LIN28B: variants seen among roughly 807,000 people sequenced by gnomAD.
LIN28B encodes protein lin-28 homolog B.
A neutral mutation model predicts 21.9 loss-of-function variants in LIN28B; 5 were observed. That is an observed-to-expected ratio of 0.23 (90% CI 0.12 to 0.48). LIN28B has a LOEUF of 0.48. LIN28B is among the 20% of genes least tolerant of loss of function. The pLI is 0.98. For missense variants in LIN28B, 245 were observed against 310.5 expected (o/e 0.79, Z 1.58); for synonymous variants, 109 against 111.3 (o/e 0.98, Z 0.13).
intron 3 of LIN28B, among the ~76,000 whole-genome samples, chr6:105,033,171 A>G (rs190817323): frequency 2.0e-5 from 3 of 152,304 alleles, no homozygotes; most frequent in African/African-American, 4.8e-5. Context: ...GAATTGTTCA[A>G]ACATCGTTTA....
At chr6:104,984,810 G>A (rs1373055764) in intron 2 of LIN28B, among the ~76,000 whole-genome samples, 1 of 152,188 alleles carries the variant, frequency 6.6e-6, no homozygotes, top group African/African-American at 2.4e-5. Context: ...CATTGAGAAT[G>A]TTATGAGTGA....
At chr6:105,020,230 C>T (rs1771110079) in intron 2 of LIN28B, among the ~76,000 whole-genome samples, 1 of 150,640 alleles carries the variant, frequency 6.6e-6, no homozygotes, top group Non-Finnish European at 1.5e-5. Flanking sequence ...TCCACCTTAG[C>T]CTTCCAAAAT....
chr6:105,058,586 T>C (rs1048503028), intron 3 of LIN28B, among the ~76,000 whole-genome samples: 3 of 152,216 alleles, frequency 2.0e-5, no homozygotes, highest in African/African-American at 7.2e-5. Context: ...CACTTTGTTT[T>C]TGGCTTCTAA....
At chr6:105,031,777 C>T (rs149703655) in intron 3 of LIN28B, among the ~76,000 whole-genome samples, 2,640 of 152,126 alleles carry the variant, frequency 0.017, 78 homozygotes, top group African/African-American at 0.061. Flanking sequence ...CCTCGTGATC[C>T]GCCCGCCTTG....
rs371978787 is a variant in LIN28B, at chr6:104,958,298, T to C, written c.198+12T>C. The C allele has an allele frequency of 6.5e-7, 1 of 1,537,208 alleles. No homozygotes were observed. The highest frequency in any genetic ancestry group is 1.4e-5 in the African/African-American group (1 of 73,836). On this transcript the variant is annotated intron_variant, in intron 2 of 3. Coordinates refer to ENST00000345080, the MANE Select transcript of LIN28B (RefSeq NM_001004317.4). ...TATTTGTACACCAAGTAAGCCAAAC[T>C]TTTTTGTCCCCCTCTTCATCTTTTT...
intron 2 of LIN28B, among the ~76,000 whole-genome samples, chr6:104,960,300 A>G (rs1769704506): frequency 6.6e-6 from 1 of 152,182 alleles, no homozygotes; most frequent in Admixed American, 6.5e-5. Context: ...CTAAGCAACT[A>G]CAAGTAACAG....
rs71572246 is a variant in LIN28B, at chr6:105,081,612, C to G, written c.*2829C>G. ...CATCTCGTTTTAGTTAGCAAAGTCT[C>G]CAAACATTTCCTTAAAATAATCATG... On this transcript the variant is annotated 3_prime_UTR_variant, in exon 4 of 4. Coordinates refer to ENST00000345080, the MANE Select transcript of LIN28B (RefSeq NM_001004317.4). 0.041 allele frequency: 6,284 copies of G among 152,310 alleles called. 186 individuals carry two copies. The highest frequency in any genetic ancestry group is 0.068 in the Middle Eastern group (20 of 294). The allele number at this position is 152,310 out of a possible 1,614,324, so 9.4% of individuals were successfully genotyped here.
At chr6:105,034,264 G>A (rs1179065480) in intron 3 of LIN28B, among the ~76,000 whole-genome samples, 1 of 151,760 alleles carries the variant, frequency 6.6e-6, no homozygotes, top group Non-Finnish European at 1.5e-5. Flanking sequence ...ATTCCAAGAA[G>A]TGTCATTCAT....
intron 3 of LIN28B, among the ~76,000 whole-genome samples, chr6:105,033,266 A>G (rs950258320): frequency 1.3e-5 from 2 of 152,128 alleles, no homozygotes; most frequent in African/African-American, 2.4e-5. Context: ...TGAAATTTCA[A>G]AGTTTTGATT....
At chr6:104,991,608 G>T (rs1770481477) in intron 2 of LIN28B, among the ~76,000 whole-genome samples, 1 of 152,090 alleles carries the variant, frequency 6.6e-6, no homozygotes, top group South Asian at 2.1e-4. Flanking sequence ...TCCCAGATGG[G>T]GTGGTGGCCG....
chr6:104,945,518 A>C (rs1438353442), intron 2 of LIN28B, among the ~76,000 whole-genome samples: 1 of 152,120 alleles, frequency 6.6e-6, no homozygotes, highest in Non-Finnish European at 1.5e-5. Context: ...TGTTTACTGT[A>C]TCAAAAAGCC....
chr6:105,051,257 G>A (rs1771895815), intron 3 of LIN28B, among the ~76,000 whole-genome samples: 1 of 151,300 alleles, frequency 6.6e-6, no homozygotes, highest in Non-Finnish European at 1.5e-5. Context: ...TGGCCAACAT[G>A]GTGAAACCCT....
At chr6:105,015,764 G>C (rs1219808960) in intron 2 of LIN28B, among the ~76,000 whole-genome samples, 1 of 152,128 alleles carries the variant, frequency 6.6e-6, no homozygotes, top group Non-Finnish European at 1.5e-5. Context: ...ATTAGTTCTT[G>C]TAGAGGCAAT....
At chr6:105,007,006 A>G (rs560996221) in intron 2 of LIN28B, among the ~76,000 whole-genome samples, 1 of 152,326 alleles carries the variant, frequency 6.6e-6, no homozygotes, top group Non-Finnish European at 1.5e-5. Context: ...TACATGTTCT[A>G]TAATTCATAT....
At chr6:105,070,413 T>C (rs1003851885) in intron 3 of LIN28B, among the ~76,000 whole-genome samples, 6 of 152,118 alleles carry the variant, frequency 3.9e-5, no homozygotes, top group Non-Finnish European at 8.8e-5. Context: ...TTCTTTCTTG[T>C]TATTTAAAAA....
intron 2 of LIN28B, among the ~76,000 whole-genome samples, chr6:104,943,882 A>G (rs999769229): frequency 6.6e-6 from 1 of 152,166 alleles, no homozygotes; most frequent in Admixed American, 6.5e-5. Context: ...AAGTCTTCGA[A>G]TATATGAAAT....
intron 2 of LIN28B, among the ~76,000 whole-genome samples, chr6:104,962,585 C>T (rs899568836): frequency 2.0e-5 from 3 of 152,058 alleles, no homozygotes; most frequent in Admixed American, 6.5e-5. Context: ...TTAGAGATGA[C>T]TAGTGCTTAA....
intron 3 of LIN28B, among the ~76,000 whole-genome samples, chr6:105,055,739 T>G (rs1170474416): frequency 6.6e-6 from 1 of 151,972 alleles, no homozygotes; most frequent in Non-Finnish European, 1.5e-5. Flanking sequence ...TATTCCTGGT[T>G]GTTGTTGTTG....
At chr6:104,987,230 A>G (rs1770365761) in intron 2 of LIN28B, among the ~76,000 whole-genome samples, 1 of 152,136 alleles carries the variant, frequency 6.6e-6, no homozygotes, top group Non-Finnish European at 1.5e-5. Context: ...CTCTTGTTAA[A>G]TAGTATTTTT....
Sources: allele counts gnomAD v4.1 joint callset (sites outside exome capture counted in the v4.1 genomes callset), GRCh38; gene constraint gnomAD v4.1.1; transcripts MANE v1.5; gene names NCBI Gene and HGNC (gene_info 2026-07-23, HGNC 2026-07-21).